The following LRCH2 variants were observed in gnomAD, a reference collection of about 807,000 sequenced individuals.
The protein encoded by LRCH2 is leucine rich repeats and calponin homology domain containing 2, also known as leucine-rich repeat and calponin homology domain-containing protein 2.
A neutral mutation model predicts 68.9 loss-of-function variants in LRCH2; 38 were observed. That is an observed-to-expected ratio of 0.55 (90% CI 0.43 to 0.72). The LOEUF is 0.72. Among genes scored for constraint, LRCH2 ranks in the 30% least tolerant of loss-of-function variants. The probability of loss-of-function intolerance (pLI) is 0.00; values close to 1 mark genes in which losing one functional copy is unlikely to be tolerated. For synonymous variants in LRCH2, 191 were observed against 208.1 expected (o/e 0.92, Z 0.71); for missense variants, 528 against 572.9 (o/e 0.92, Z 0.80).
intron 1 of LRCH2, among the ~76,000 whole-genome samples, chrX:115,228,726 C>G (rs1345129659): frequency 9.0e-6 from 1 of 110,964 alleles, no homozygotes; most frequent in Non-Finnish European, 1.9e-5. Context: ...CAAAAGTATT[C>G]CACTAACCCC....
At chrX:115,131,259 CT>C (rs1216428070) in intron 14 of LRCH2, among the ~76,000 whole-genome samples, 20 of 102,089 alleles carry the variant, frequency 2.0e-4, no homozygotes, top group African/African-American at 4.1e-4. Flanking sequence ...CTCCCCCCCC[CT>C]CCACACCATG....
At chrX:115,130,576 C>T (rs1283625195) in intron 14 of LRCH2, among the ~76,000 whole-genome samples, 3 of 110,735 alleles carry the variant, frequency 2.7e-5, no homozygotes, top group African/African-American at 9.8e-5. Context: ...CTTTGGAATT[C>T]TCACAACTAC....
intron 5 of LRCH2, among the ~76,000 whole-genome samples, chrX:115,172,107 A>T (rs2072608964): frequency 9.0e-6 from 1 of 111,676 alleles, no homozygotes; most frequent in Non-Finnish European, 1.9e-5. Context: ...TTCCAATGGT[A>T]GATTTATTGG....
At position 115,190,118 on chromosome X, in the gene LRCH2, C is replaced by T. The variant is rs963276787; in HGVS notation, c.350-1748G>A. 2.2e-5 allele frequency: 26 copies of T among 1,156,680 alleles called. No homozygotes were observed. The highest frequency in any genetic ancestry group is 2.9e-5 in the Non-Finnish European group (25 of 867,216). Reference sequence around the variant, plus strand: ...GGCAGTGGAATGCCTGGGAAGGCCCCGGCCGTGTGGGGGCAAGATGGCTAC... The same window carrying T: ...GGCAGTGGAATGCCTGGGAAGGCCCTGGCCGTGTGGGGGCAAGATGGCTAC... On this transcript the variant is annotated intron_variant, in intron 1 of 20. Coordinates refer to ENST00000317135, the MANE Select transcript of LRCH2 (RefSeq NM_020871.4).
chrX:115,192,651 A>T, intron 1 of LRCH2: 1 of 1,167,090 alleles, frequency 8.6e-7, no homozygotes, highest in Non-Finnish European at 1.1e-6. Context: ...ACTAAGCAGG[A>T]ACAGACTTGG....
At chrX:115,142,417 C>T (rs2072347364) in intron 14 of LRCH2, among the ~76,000 whole-genome samples, 1 of 111,881 alleles carries the variant, frequency 8.9e-6, no homozygotes, top group Admixed American at 9.5e-5. Flanking sequence ...TGTTAGGTCA[C>T]AAAATAAGTC....
chrX:115,113,311 T>C lies in LRCH2; in HGVS notation c.2203A>G (p.Ile735Val), dbSNP rs1556523248. ...SQERLCLPHH[I>V]LEERGLVKVG... ...TTCACAAGTCCTCGTTCTTCCAAAA[T>C]ATGATGAGGCAAACAAAGTCTTTCC... The change falls in exon 21 of 21, where the codon ATT becomes GTT. Residue 735 changes from isoleucine to valine, a missense_variant. Physicochemically the swap from Ile to Val is conservative, Grantham distance 29. Transcript: ENST00000317135. 4 of 1,192,543 alleles carry C rather than the reference T, an allele frequency of 3.4e-6. No individual in the cohort carries two copies. Among genetic ancestry groups the C allele is most frequent in the Non-Finnish European group, 4.5e-6 (4 of 884,191 alleles).
intron 14 of LRCH2, among the ~76,000 whole-genome samples, chrX:115,145,863 A>G (rs2072377993): frequency 8.9e-6 from 1 of 111,946 alleles, no homozygotes; most frequent in African/African-American, 3.2e-5. Context: ...TACGAACAAT[A>G]TGGAGAACAG....
chrX:115,123,313 A>C (rs1183296212), intron 17 of LRCH2, 121 bp from the exon 18 acceptor site: 1 of 467,772 alleles, frequency 2.1e-6, no homozygotes, highest in African/African-American at 2.4e-5. Context: ...TCACTAATAC[A>C]TTCCAAATAT....
At chrX:115,209,887 C>T (rs2072994382) in intron 1 of LRCH2, among the ~76,000 whole-genome samples, 1 of 111,897 alleles carries the variant, frequency 8.9e-6, no homozygotes, top group Admixed American at 9.5e-5. Flanking sequence ...AGCAAAGAGA[C>T]TGGTGGCATT....
At chrX:115,232,154 G>T (rs2073156613) in intron 1 of LRCH2, among the ~76,000 whole-genome samples, 1 of 109,405 alleles carries the variant, frequency 9.1e-6, no homozygotes, top group Non-Finnish European at 1.9e-5. Context: ...CAACAATAAA[G>T]TGGAGCCCAA....
intron 1 of LRCH2, among the ~76,000 whole-genome samples, chrX:115,200,000 C>T (rs782174304): frequency 4.5e-5 from 5 of 111,637 alleles, no homozygotes; most frequent in South Asian, 3.7e-4. Context: ...ACTTCAGAAA[C>T]GATACAAACA....
At chrX:115,145,543 T>C (rs782769847) in intron 14 of LRCH2, among the ~76,000 whole-genome samples, 1 of 111,489 alleles carries the variant, frequency 9.0e-6, no homozygotes, top group East Asian at 2.8e-4. Flanking sequence ...ACTACCCATA[T>C]GACAAGGAAT....
At chrX:115,191,981 A>C in intron 1 of LRCH2, 1 of 1,164,788 alleles carries the variant, frequency 8.6e-7, no homozygotes, top group South Asian at 1.9e-5. Flanking sequence ...AGTTCCAGCA[A>C]CAGTTACGAC....
intron 11 of LRCH2, among the ~76,000 whole-genome samples, chrX:115,160,624 A>G (rs1210511680): frequency 1.8e-5 from 2 of 111,914 alleles, no homozygotes; most frequent in Non-Finnish European, 3.8e-5. Context: ...AAACAAACAA[A>G]ATTTACAATA....
chrX:115,196,946 T>C (rs2072891871), intron 1 of LRCH2, among the ~76,000 whole-genome samples: 1 of 110,687 alleles, frequency 9.0e-6, no homozygotes, highest in African/African-American at 3.3e-5. Context: ...TCTGCTACCA[T>C]TACAACCTGA....
intron 14 of LRCH2, among the ~76,000 whole-genome samples, chrX:115,141,576 C>G (rs2072338894): frequency 9.0e-6 from 1 of 110,803 alleles, no homozygotes; most frequent in South Asian, 3.9e-4. Context: ...CAGGTTTCCC[C>G]TAAGCAGTTC....
At chrX:115,178,040 T>G (rs954128941) in intron 5 of LRCH2, among the ~76,000 whole-genome samples, 26 of 112,468 alleles carry the variant, frequency 2.3e-4, no homozygotes, top group Non-Finnish European at 4.5e-4. Flanking sequence ...ATACAGAACA[T>G]GCTCATCACC....
chrX:115,126,879 AT>A lies in LRCH2; in HGVS notation c.1754del (p.Asn585MetfsTer28). ...GNENDEQDSDNANMSTQSPVS... is the reference protein window; with the variant it reads ...GNENDEQDSDXANMSTQSPVS... ...CTGGAGATTGTGTTGACATATTAGC[AT>A]TATCACTGTCTTGCTAAAACATAAA... is the stretch of plus-strand genomic sequence containing the variant. On this transcript the variant is annotated frameshift_variant, in exon 16 of 21. Transcript: ENST00000317135. LOFTEE classifies it high-confidence loss of function. 1 of 1,061,957 alleles carries A rather than the reference AT, an allele frequency of 9.4e-7. No individual in the cohort carries two copies. Among genetic ancestry groups the A allele is most frequent in the Non-Finnish European group, 1.2e-6 (1 of 806,978 alleles). 87.5% of individuals were successfully genotyped at this position (1,061,957 alleles called of 1,213,427 possible).
Sources: gnomAD v4.1 joint callset for allele counts (sites outside exome capture counted in the v4.1 genomes callset) on GRCh38, gnomAD v4.1.1 for gene constraint, MANE v1.5 for transcripts, NCBI Gene and HGNC (gene_info 2026-07-23, HGNC 2026-07-21) for gene names.